The following HIBCH variants were observed in gnomAD, a reference collection of about 807,000 sequenced individuals.
HIBCH encodes 3-hydroxyisobutyryl-CoA hydrolase, mitochondrial.
Under a neutral mutation model 58.2 loss-of-function variants are expected in HIBCH, and 50 were observed. That is an observed-to-expected ratio of 0.86 (90% CI 0.68 to 1.09). The LOEUF (loss-of-function observed/expected upper bound fraction) is 1.09, where lower values mean the gene tolerates loss of function less well. Among genes scored for constraint, HIBCH ranks in the 50% least tolerant of loss-of-function variants. The pLI is 0.00. For synonymous variants in HIBCH, 151 were observed against 146.9 expected, an observed-to-expected ratio of 1.03 and a Z score of -0.20; for missense variants, 450 against 449.7, an observed-to-expected ratio of 1.00 and a Z score of -0.01.
At chr2:190,213,877 T>G (rs2105902768) in intron 11 of HIBCH, 1 of 152,346 alleles carries the variant, frequency 6.6e-6, no homozygotes, top group South Asian at 2.1e-4. Flanking sequence ...GTTAAGTTGC[T>G]TGTTAAAACT....
intron 11 of HIBCH, chr2:190,220,561 T>TTGCCCTAGG (rs1390201735): frequency 6.6e-6 from 1 of 152,008 alleles, no homozygotes; most frequent in Non-Finnish European, 1.5e-5. Context: ...AACTCATTCT[T>TTGCCCTAGG]TGCCCTAGGT....
At chr2:190,301,219 T>C (rs1284061974) in intron 2 of HIBCH, among the ~76,000 whole-genome samples, 2 of 152,058 alleles carry the variant, frequency 1.3e-5, no homozygotes, top group Non-Finnish European at 2.9e-5. Flanking sequence ...TTATCTCCCA[T>C]ACAGAACAAA....
rs966078149 is a variant in HIBCH, at chr2:190,215,145, A to G, written c.892-2070T>C. Reference sequence around the variant, plus strand: ...GAGATCCCCTCGGTTTAGCAGCTAGATCAATTTTTAGGACCCAATTTTTAT... The same window carrying G: ...GAGATCCCCTCGGTTTAGCAGCTAGGTCAATTTTTAGGACCCAATTTTTAT... On this transcript the variant is annotated intron_variant, in intron 11 of 13. Transcript: ENST00000359678. This position sits in a 1 kb window ranked among gnomAD's most constrained non-coding sequence, Gnocchi z 4.4. 1.3e-5 allele frequency: 2 copies of G among 151,818 alleles called. No homozygotes were observed. Among genetic ancestry groups the G allele is most frequent in the African/African-American group, 2.4e-5 (1 of 41,246 alleles). The allele number at this position is 151,818 out of a possible 1,614,324, so 9.4% of individuals were successfully genotyped here.
rs1690510832 is a variant in HIBCH at position 190,211,450 on chromosome 2, C to T, written c.1011+1506G>A. 6.6e-6 allele frequency among the ~76,000 whole-genome samples: 1 copy of T among 152,184 alleles called. No homozygotes were observed. Among genetic ancestry groups the T allele is most frequent in the African/African-American group, 2.4e-5 (1 of 41,440 alleles). ...GTCTCTAAACCGTTCTTGAACCTCT[C>T]CAACCCTATCTCCACACAGCAGCAA... On this transcript the variant is annotated intron_variant, in intron 12 of 13. Transcript: ENST00000359678. The surrounding 1 kb of genome is among the most constrained non-coding windows in gnomAD (Gnocchi z 5.0).
At chr2:190,212,705 C>A (rs1320410421) in intron 12 of HIBCH, among the ~76,000 whole-genome samples, 2 of 152,106 alleles carry the variant, frequency 1.3e-5, no homozygotes, top group Non-Finnish European at 2.9e-5. Flanking sequence ...ATTTTGAATT[C>A]CTCTAAGATG....
chr2:190,314,350 T>TATATACAC lies in HIBCH; in HGVS notation c.36-3555_36-3554insGTGTATAT, dbSNP rs1688650896. ...ATATGTATATATACATATATATGTG[T>TATATACAC]ATATATACGTATATATATACGTATA... On this transcript the variant is annotated intron_variant, in intron 1 of 13. Coordinates refer to ENST00000359678, the MANE Select transcript of HIBCH (RefSeq NM_014362.4). Among the ~76,000 whole-genome samples the TATATACAC allele has an allele frequency of 9.4e-5, 3 of 31,852 alleles. 1 individual carries two copies. Among genetic ancestry groups the TATATACAC allele is most frequent in the Admixed American group, 5.6e-4 (3 of 5,356 alleles). 20.9% of individuals were successfully genotyped at this position (31,852 alleles called of 152,430 possible).
At position 190,207,472 on chromosome 2, in the gene HIBCH, A is replaced by G. The variant is rs898137415; in HGVS notation, c.1045+1408T>C. The stretch of plus-strand genomic sequence containing the variant: ...CTGAATACTAAAAAGATTTCAATCA[A>G]GTCCTTATTTCTGATATTGTATCAT... On this transcript the variant is annotated intron_variant, in intron 13 of 13. Coordinates refer to ENST00000359678, the MANE Select transcript of HIBCH (RefSeq NM_014362.4). The surrounding 1 kb of genome is among the most constrained non-coding windows in gnomAD (Gnocchi z 4.5). Among the ~76,000 whole-genome samples the G allele has an allele frequency of 6.6e-6, 1 of 152,248 alleles. No homozygotes were observed. The highest frequency in any genetic ancestry group is 2.4e-5 in the African/African-American group (1 of 41,458).
intron 7 of HIBCH, among the ~76,000 whole-genome samples, chr2:190,257,178 A>G (rs753627048): frequency 1.2e-4 from 18 of 152,214 alleles, no homozygotes; most frequent in Non-Finnish European, 2.4e-4. Context: ...AAATCTTAAG[A>G]GCAGCCAAAG....
chr2:190,301,086 C>A (rs180890720), intron 2 of HIBCH, among the ~76,000 whole-genome samples: 1 of 152,300 alleles, frequency 6.6e-6, no homozygotes, highest in Admixed American at 6.5e-5. Flanking sequence ...AAATGTTAAT[C>A]TTAGTTAACA....
intron 11 of HIBCH, among the ~76,000 whole-genome samples, chr2:190,226,688 C>T (rs1179202615): frequency 1.3e-5 from 2 of 151,250 alleles, no homozygotes; most frequent in African/African-American, 4.8e-5. Context: ...CCCATCATCT[C>T]AGCCCCAAAT....
chr2:190,270,055 C>T (rs918180302), intron 6 of HIBCH, among the ~76,000 whole-genome samples: 7 of 151,904 alleles, frequency 4.6e-5, no homozygotes, highest in African/African-American at 9.7e-5. Context: ...CATCACACAC[C>T]GGGGCCTGTC....
In HIBCH at chr2:190,294,623, T is replaced by C; in HGVS notation, c.227A>G (p.Glu76Gly). Residue 76 changes from glutamate (E) to glycine (G), a missense_variant, in exon 4 of 14, where the codon GAA becomes GGA. Transcript: ENST00000359678. ...RQIYPQLKKW[E>G]QDPETFLIII... ...GATCAGGAAAGTTTCAGGATCTTGT[T>C]CCCACTTCTATTCAAATGTAACAGA... 1 of 1,609,478 alleles carries C rather than the reference T, an allele frequency of 6.2e-7. No homozygotes were observed. Among genetic ancestry groups the C allele is most frequent in the Non-Finnish European group, 8.5e-7 (1 of 1,176,642 alleles).
intron 1 of HIBCH, among the ~76,000 whole-genome samples, chr2:190,198,801 A>G (rs887990285): frequency 3.3e-5 from 5 of 152,112 alleles, no homozygotes; most frequent in East Asian, 1.9e-4. Flanking sequence ...GCTGTCTTGT[A>G]TTGTTTTAGT....
At chr2:190,249,473 A>C (rs1381326042) in intron 9 of HIBCH, among the ~76,000 whole-genome samples, 167 bp downstream of exon 9, 1 of 152,212 alleles carries the variant, frequency 6.6e-6, no homozygotes, top group African/African-American at 2.4e-5. Context: ...TTAGCTGGCT[A>C]TACTAACAAC....
intron 11 of HIBCH, 120 bp from the exon 12 acceptor site, chr2:190,213,195 C>T (rs1690554963): frequency 6.9e-6 from 6 of 868,910 alleles, no homozygotes. Flanking sequence ...AAAGATTATA[C>T]CCTAGCTTAA....
intron 6 of HIBCH, among the ~76,000 whole-genome samples, chr2:190,268,694 A>G (rs986033082): frequency 7.9e-5 from 12 of 152,270 alleles, no homozygotes; most frequent in Admixed American, 2.6e-4. Context: ...ACTAGGAATC[A>G]GCACTTGCTC....
chr2:190,250,328 T>C (rs1355885226), intron 8 of HIBCH: 1 of 461,444 alleles, frequency 2.2e-6, no homozygotes, highest in Non-Finnish European at 4.5e-6. Flanking sequence ...AAGCTCTTCC[T>C]CCTTTCAATT....
intron 1 of HIBCH, among the ~76,000 whole-genome samples, chr2:190,195,180 G>A (rs1485441309): frequency 6.6e-6 from 1 of 152,060 alleles, no homozygotes; most frequent in Non-Finnish European, 1.5e-5. Context: ...TTTTAATGCT[G>A]AATATGTTCC....
At chr2:190,229,373 G>A (rs547390319) in intron 11 of HIBCH, among the ~76,000 whole-genome samples, 1 of 152,330 alleles carries the variant, frequency 6.6e-6, no homozygotes, top group South Asian at 2.1e-4. Flanking sequence ...GCTTAAAGGT[G>A]TAGGAAGAAT....
Sources: allele counts gnomAD v4.1 joint callset (sites outside exome capture counted in the v4.1 genomes callset), GRCh38; gene constraint gnomAD v4.1.1; non-coding constraint Gnocchi (gnomAD v3.1); transcripts MANE v1.5; gene names NCBI Gene and HGNC (gene_info 2026-07-23, HGNC 2026-07-21).